The following FANCC variants were observed in gnomAD, a reference collection of about 807,000 sequenced individuals.
The protein encoded by FANCC is Fanconi anemia group C protein.
In FANCC, 55 loss-of-function variants were observed where a neutral mutation model predicts 71.3. The ratio of observed to expected loss-of-function variants is 0.77; its 90% CI spans 0.62 to 0.97. The LOEUF (loss-of-function observed/expected upper bound fraction) is 0.97, where lower values mean the gene tolerates loss of function less well. Ranked by LOEUF, FANCC falls within the 50% of genes least tolerant of loss-of-function variation. FANCC has a pLI of 0.00. For synonymous variants in FANCC, 275 were observed against 244.9 expected, an observed-to-expected ratio of 1.12 and a Z score of -1.15; for missense variants, 678 against 670.9, an observed-to-expected ratio of 1.01 and a Z score of -0.12.
intron 1 of FANCC, among the ~76,000 whole-genome samples, chr9:95,269,225 C>T (rs140460139): frequency 2.8e-4 from 43 of 152,302 alleles, no homozygotes; most frequent in African/African-American, 1.0e-3. Context: ...CCCTCTTCCC[C>T]TACCTGTTTT....
intron 1 of FANCC, among the ~76,000 whole-genome samples, chr9:95,259,341 A>G (rs1209185525): frequency 6.6e-6 from 1 of 152,244 alleles, no homozygotes; most frequent in Non-Finnish European, 1.5e-5. Context: ...GTACCAAAAC[A>G]GAGATATAGG....
intron 1 of FANCC, chr9:95,293,804 G>A: frequency 1.9e-6 from 3 of 1,613,802 alleles, no homozygotes; most frequent in Non-Finnish European, 2.5e-6. Flanking sequence ...AGTCGGGTGG[G>A]GTCTCCTGAG....
intron 6 of FANCC, among the ~76,000 whole-genome samples, chr9:95,160,883 C>T (rs1002845713): frequency 6.6e-6 from 1 of 152,066 alleles, no homozygotes; most frequent in African/African-American, 2.4e-5. Context: ...GATTTTGTAT[C>T]CTGAGACTTT....
At chr9:95,136,256 G>C (rs1827682528) in intron 7 of FANCC, among the ~76,000 whole-genome samples, 1 of 151,824 alleles carries the variant, frequency 6.6e-6, no homozygotes, top group Non-Finnish European at 1.5e-5. Flanking sequence ...AAATTAGCCT[G>C]GCATGGTGAT....
chr9:95,235,886 T>TG (rs1219001335), intron 4 of FANCC, among the ~76,000 whole-genome samples: 2 of 114,140 alleles, frequency 1.8e-5, no homozygotes, highest in Non-Finnish European at 3.6e-5. Flanking sequence ...AAGGGGCACA[T>TG]GGGGGGCAGG....
At chr9:95,114,738 G>C in intron 11 of FANCC, 28 bp from the exon 12 acceptor site, 7 of 1,598,032 alleles carry the variant, frequency 4.4e-6, no homozygotes, top group Non-Finnish European at 6.0e-6. Flanking sequence ...TACGTCAGAG[G>C]GCAACTGAGG....
intron 1 of FANCC, among the ~76,000 whole-genome samples, chr9:95,302,081 C>CAAAAAAAAAAAAAAA (rs375479917): frequency 4.0e-5 from 4 of 98,968 alleles, no homozygotes; most frequent in East Asian, 5.6e-4. Flanking sequence ...GACTCCATCT[C>CAAAAAAAAAAAAAAA]AAAAAAAAAA....
intron 1 of FANCC, among the ~76,000 whole-genome samples, chr9:95,278,053 G>A (rs779018508): frequency 1.3e-5 from 2 of 152,022 alleles, no homozygotes; most frequent in African/African-American, 2.4e-5. Context: ...TGTACTGTTG[G>A]GCCTATAACA....
chr9:95,144,456 G>A (rs1829236815), intron 7 of FANCC, among the ~76,000 whole-genome samples: 1 of 152,192 alleles, frequency 6.6e-6, no homozygotes, highest in Non-Finnish European at 1.5e-5. Flanking sequence ...TTGGGGAGCC[G>A]CTGCCCTCAG....
chr9:95,111,076 CAG>C, intron 13 of FANCC: 4 of 1,506,950 alleles, frequency 2.7e-6, no homozygotes, highest in Non-Finnish European at 3.5e-6. Flanking sequence ...GGGAGCGAGA[CAG>C]GGCCCTGGCT....
intron 1 of FANCC, among the ~76,000 whole-genome samples, chr9:95,304,611 G>C (rs773737524): frequency 6.6e-6 from 1 of 151,226 alleles, no homozygotes; most frequent in Non-Finnish European, 1.5e-5. Flanking sequence ...ATAGGTGGGC[G>C]TGGTGGCGAG....
At chr9:95,191,307 C>G (rs1390088020) in intron 4 of FANCC, among the ~76,000 whole-genome samples, 1 of 151,022 alleles carries the variant, frequency 6.6e-6, no homozygotes, top group South Asian at 2.1e-4. Flanking sequence ...CCAGCCCAGC[C>G]CCAGTCACCA....
intron 3 of FANCC, among the ~76,000 whole-genome samples, chr9:95,242,901 T>A (rs1395791024): frequency 2.0e-5 from 3 of 152,116 alleles, no homozygotes; most frequent in Non-Finnish European, 4.4e-5. Context: ...ACAGGGCATG[T>A]TAAGTGAGAT....
At chr9:95,117,227 T>C in intron 11 of FANCC, 88 bp downstream of exon 11, 3 of 1,126,362 alleles carry the variant, frequency 2.7e-6, no homozygotes, top group Non-Finnish European at 2.7e-6. Flanking sequence ...CCTCATGCTG[T>C]AGATAAGGGC....
chr9:95,150,221 A>C, intron 6 of FANCC, 134 bp from the exon 7 acceptor site: 1 of 802,088 alleles, frequency 1.2e-6, no homozygotes, highest in Non-Finnish European at 2.1e-6. Flanking sequence ...TGACTCTAAC[A>C]CCATCGATGA....
rs117404025 is a variant in FANCC, at chr9:95,240,982, C to T, written c.251-239G>A. On this transcript the variant is annotated intron_variant, in intron 3 of 14. Coordinates refer to ENST00000289081, the MANE Select transcript of FANCC (RefSeq NM_000136.3). ...GTCCTTCAGAATTCCCTAAACTTAACTTTGTGGGGTTTTGTCCTTCTTGTG... is the reference window on the plus strand; with the variant it reads ...GTCCTTCAGAATTCCCTAAACTTAATTTTGTGGGGTTTTGTCCTTCTTGTG... Among the ~76,000 whole-genome samples, 505 of 152,302 alleles carry T rather than the reference C, an allele frequency of 3.3e-3. 9 individuals are homozygous for T. The East Asian group carries it at 0.044, about 13-fold the overall frequency.
At chr9:95,276,276 G>A (rs1833034710) in intron 1 of FANCC, among the ~76,000 whole-genome samples, 1 of 152,200 alleles carries the variant, frequency 6.6e-6, no homozygotes, top group Non-Finnish European at 1.5e-5. Context: ...CTCAGTTGCT[G>A]AATTTGTTCT....
chr9:95,249,382 G>A lies in FANCC; in HGVS notation c.-78-13C>T, dbSNP rs2136103143. 2 of 1,280,350 alleles carry A rather than the reference G, an allele frequency of 1.6e-6. No individual in the cohort carries two copies. The highest frequency in any genetic ancestry group is 2.2e-6 in the Non-Finnish European group (2 of 889,842). 79.3% of individuals were successfully genotyped at this position (1,280,350 alleles called of 1,614,324 possible). A position where few individuals can be genotyped will look rare whatever the true frequency, so the allele number is the denominator to read the frequency against. On this transcript the variant is annotated splice_polypyrimidine_tract_variant and intron_variant, in intron 1 of 14. Coordinates refer to ENST00000289081, the MANE Select transcript of FANCC (RefSeq NM_000136.3). ...GCACACATTAAATCTGTAAGAAAGG[G>A]AACAAATAGAAGCATTTCTAAAAGG...
chr9:95,123,217 C>T (rs766245848), intron 10 of FANCC: 17 of 203,650 alleles, frequency 8.3e-5, no homozygotes, highest in Admixed American at 3.3e-4. Context: ...GTGGGGGGAT[C>T]GCTTGAGCCC....
Sources: gnomAD v4.1 joint callset for allele counts (sites outside exome capture counted in the v4.1 genomes callset) on GRCh38, gnomAD v4.1.1 for gene constraint, MANE v1.5 for transcripts, NCBI Gene and HGNC (gene_info 2026-07-23, HGNC 2026-07-21) for gene names.